Variants in TBC1D30 observed in about 807,000 individuals in gnomAD.
TBC1D30 encodes the protein TBC1 domain family member 30.
TBC1D30 carries 31 observed loss-of-function variants against 63.2 expected under a neutral mutation model. The observed-to-expected ratio is 0.49, with a 90% CI of 0.37 to 0.66. TBC1D30 has a LOEUF of 0.66. Ranked by LOEUF, TBC1D30 falls within the 30% of genes least tolerant of loss-of-function variation. The pLI is 0.00. For missense variants in TBC1D30, 810 were observed against 953.6 expected (o/e 0.85, Z 1.98); for synonymous variants, 307 against 361.5 (o/e 0.85, Z 1.71).
At chr12:64,836,692 T>A (rs1875391414) in intron 6 of TBC1D30, 34 bp downstream of exon 6, 1 of 1,506,834 alleles carries the variant, frequency 6.6e-7, no homozygotes, top group Non-Finnish European at 8.9e-7. Context: ...TCTGAAAATA[T>A]TTGTCTTCTC....
At chr12:64,796,473 T>C (rs557358439) in intron 2 of TBC1D30, among the ~76,000 whole-genome samples, 1 of 152,230 alleles carries the variant, frequency 6.6e-6, no homozygotes, top group African/African-American at 2.4e-5. Context: ...TATTATACTA[T>C]TTATGTTCTC....
At chr12:64,805,693 C>T (rs1294530957) in intron 2 of TBC1D30, among the ~76,000 whole-genome samples, 2 of 151,946 alleles carry the variant, frequency 1.3e-5, no homozygotes, top group South Asian at 2.1e-4. Flanking sequence ...ATTAGTCGGG[C>T]GTGGTGGCGG....
chr12:64,817,448 G>T (rs1035893706), intron 2 of TBC1D30, among the ~76,000 whole-genome samples: 2 of 152,158 alleles, frequency 1.3e-5, no homozygotes, highest in Non-Finnish European at 2.9e-5. Flanking sequence ...TGTCTGCTGC[G>T]TTGCCTCCTG....
chr12:64,816,559 G>T (rs567561086), intron 2 of TBC1D30, among the ~76,000 whole-genome samples: 35 of 152,292 alleles, frequency 2.3e-4, no homozygotes, highest in African/African-American at 8.4e-4. Flanking sequence ...TGGTCTCAGA[G>T]AATTCTAGGG....
chr12:64,783,997 C>G (rs1214797103), intron 1 of TBC1D30, among the ~76,000 whole-genome samples: 1 of 150,388 alleles, frequency 6.6e-6, no homozygotes, highest in Non-Finnish European at 1.5e-5. Context: ...TTTGTTCTAT[C>G]TGAAGGCATC....
At position 64,864,734 on chromosome 12, in the gene TBC1D30, A is replaced by G; in HGVS notation, c.1105A>G (p.Asn369Asp). ...LAELREKYTY[N>D]ITPFPATVKP... The stretch of plus-strand genomic sequence containing the variant: ...AGAGTTGAGGGAAAAATACACCTAC[A>G]ACATTACACCGTTCCCAGCCACAGT... Residue 369 changes from asparagine (N) to aspartate (D), a missense_variant, in exon 9 of 12, where the codon AAC becomes GAC. Around this residue, in one of 4 missense-constraint regions of TBC1D30, gnomAD observed 83 missense variants for 121.5 expected, o/e 0.68. Coordinates refer to ENST00000539867, the MANE Select transcript of TBC1D30 (RefSeq NM_015279.2). 1 of 1,536,164 alleles carries G rather than the reference A, an allele frequency of 6.5e-7. No homozygotes were observed. Among genetic ancestry groups the G allele is most frequent in the South Asian group, 1.2e-5 (1 of 84,056 alleles).
At chr12:64,771,213 T>C (rs1403169748) in intron 1 of TBC1D30, among the ~76,000 whole-genome samples, 1 of 151,778 alleles carries the variant, frequency 6.6e-6, no homozygotes, top group East Asian at 1.9e-4. Flanking sequence ...GTATTCCGTG[T>C]GTAAGATGCA....
rs1335727564 is a variant in TBC1D30, at chr12:64,830,423, A to T, written c.329A>T (p.Asp110Val). The T allele has an allele frequency of 2.0e-6, 3 of 1,535,490 alleles. No individual in the cohort carries two copies. Among genetic ancestry groups the T allele is most frequent in the Non-Finnish European group, 2.6e-6 (3 of 1,146,562 alleles). Residue 110 changes from aspartate to valine, a missense_variant, in exon 4 of 12, where the codon GAC (aspartate) becomes GTC (valine). This residue lies in a region of TBC1D30 where 272 missense variants were observed against 335.9 expected (regional missense o/e 0.81). Coordinates refer to ENST00000539867, the MANE Select transcript of TBC1D30 (RefSeq NM_015279.2). ...ADHYLHSIAIDWDKTMRFTFN... is the reference protein window; with the variant it reads ...ADHYLHSIAIVWDKTMRFTFN... ...CATTATTTGCACAGTATAGCCATTG[A>T]CTGGGACAAAACCATGCGCTTCACT...
intron 1 of TBC1D30, among the ~76,000 whole-genome samples, chr12:64,761,685 T>C (rs912786179): frequency 6.6e-6 from 1 of 152,238 alleles, no homozygotes; most frequent in African/African-American, 2.4e-5. Flanking sequence ...GAGGCATGAA[T>C]AATCCATCCC....
At chr12:64,818,913 G>A (rs1465573824) in intron 2 of TBC1D30, 2 of 152,156 alleles carry the variant, frequency 1.3e-5, no homozygotes, top group Non-Finnish European at 2.9e-5. Context: ...AGCTCAAGTA[G>A]TAGTGAGTCA....
At chr12:64,824,604 TC>T (rs1874125401), upstream of TBC1D30, 1 of 325,642 alleles carries the variant, frequency 3.1e-6, no homozygotes, top group African/African-American at 2.1e-5. Context: ...GCTCGCTCGC[TC>T]GCTCGCTCCC....
At chr12:64,785,145 G>A (rs1369425918) in intron 1 of TBC1D30, among the ~76,000 whole-genome samples, 1 of 111,630 alleles carries the variant, frequency 9.0e-6, no homozygotes, top group African/African-American at 3.8e-5. Flanking sequence ...GTACTTTAAA[G>A]ACTTTTTTTT....
chr12:64,807,704 G>GT (rs904635953), intron 2 of TBC1D30, among the ~76,000 whole-genome samples: 51 of 151,738 alleles, frequency 3.4e-4, no homozygotes, highest in African/African-American at 1.0e-3. Flanking sequence ...TCCCAAACTG[G>GT]TTTTTTTACC....
intron 2 of TBC1D30, among the ~76,000 whole-genome samples, chr12:64,786,227 T>C (rs1243900096): frequency 2.6e-5 from 4 of 152,390 alleles, no homozygotes; most frequent in Non-Finnish European, 5.9e-5. Flanking sequence ...GTATACTTCA[T>C]GTCTAATGTT....
At chr12:64,801,913 A>G (rs1426940603) in intron 2 of TBC1D30, among the ~76,000 whole-genome samples, 2 of 152,128 alleles carry the variant, frequency 1.3e-5, no homozygotes, top group Non-Finnish European at 2.9e-5. Context: ...CCCCTCCCCA[A>G]ACTGCAGGAG....
At chr12:64,804,829 G>GCTCAACC (rs1292223895) in intron 2 of TBC1D30, among the ~76,000 whole-genome samples, 1 of 151,996 alleles carries the variant, frequency 6.6e-6, no homozygotes, top group African/African-American at 2.4e-5. Flanking sequence ...GGTATACGGG[G>GCTCAACC]CTCAACCCTC....
intron 3 of TBC1D30, 22 bp downstream of exon 3, chr12:64,828,531 A>G: frequency 1.4e-6 from 2 of 1,480,214 alleles, no homozygotes; most frequent in Non-Finnish European, 1.8e-6. Context: ...TCATAGGGCT[A>G]GAATACAGAA....
upstream of TBC1D30, among the ~76,000 whole-genome samples, chr12:64,778,544 G>T (rs1217749353): frequency 7.4e-6 from 1 of 135,686 alleles, no homozygotes; most frequent in African/African-American, 2.7e-5. Flanking sequence ...GATTCACAGA[G>T]AAGCCTTTTT....
chr12:64,807,378 T>C (rs1262886193), intron 2 of TBC1D30, among the ~76,000 whole-genome samples: 1 of 152,200 alleles, frequency 6.6e-6, no homozygotes, highest in Non-Finnish European at 1.5e-5. Flanking sequence ...AGCGTGAGAA[T>C]GGACTAATAC....
Sources: gnomAD v4.1 joint callset for allele counts (sites outside exome capture counted in the v4.1 genomes callset) on GRCh38, gnomAD v4.1.1 for gene constraint, gnomAD v4.1.1 regional missense constraint, MANE v1.5 for transcripts, NCBI Gene and HGNC (gene_info 2026-07-23, HGNC 2026-07-21) for gene names.